Variants in CNTFR observed in about 807,000 individuals in gnomAD.
The protein encoded by CNTFR is ciliary neurotrophic factor receptor, also known as ciliary neurotrophic factor receptor subunit alpha.
In CNTFR, 12 loss-of-function variants were observed where a neutral mutation model predicts 40.4. The observed-to-expected ratio is 0.30, with a 90% CI of 0.19 to 0.48. CNTFR has a LOEUF of 0.48. Ranked by LOEUF, CNTFR falls within the 20% of genes least tolerant of loss-of-function variation. The probability of loss-of-function intolerance (pLI) is 0.99; values close to 1 mark genes in which losing one functional copy is unlikely to be tolerated. For missense variants in CNTFR, 414 were observed against 506.8 expected (o/e 0.82, Z 1.76); for synonymous variants, 202 against 209.6 (o/e 0.96, Z 0.31).
intron 2 of CNTFR, among the ~76,000 whole-genome samples, chr9:34,570,510 G>A (rs147528181): frequency 3.9e-5 from 6 of 152,224 alleles, no homozygotes; most frequent in Non-Finnish European, 7.3e-5. Flanking sequence ...CACAAGCAGA[G>A]AAATACCAGA....
intron 2 of CNTFR, among the ~76,000 whole-genome samples, chr9:34,580,772 G>T (rs986445417): frequency 6.6e-6 from 1 of 152,150 alleles, no homozygotes; most frequent in South Asian, 2.1e-4. Flanking sequence ...GAGATGTCTG[G>T]GGGGCAGAGA....
chr9:34,581,585 C>T (rs999594149), intron 1 of CNTFR, among the ~76,000 whole-genome samples: 34 of 152,230 alleles, frequency 2.2e-4, no homozygotes, highest in African/African-American at 7.2e-4. Flanking sequence ...TAACCACCAT[C>T]GTAACACCCC....
At chr9:34,576,252 T>C (rs1826955630) in intron 2 of CNTFR, among the ~76,000 whole-genome samples, 1 of 152,114 alleles carries the variant, frequency 6.6e-6, no homozygotes, top group African/African-American at 2.4e-5. Flanking sequence ...CACAGCCCCG[T>C]ACACGCTGGT....
In CNTFR at chr9:34,552,592, A is replaced by G. The variant is rs1825680943; in HGVS notation, c.949+82T>C. 1 of 1,418,536 alleles carries G rather than the reference A, an allele frequency of 7.0e-7. No homozygotes were observed. Among genetic ancestry groups the G allele is most frequent in the African/African-American group, 1.4e-5 (1 of 70,208 alleles). The allele number at this position is 1,418,536 out of a possible 1,614,324, so 87.9% of individuals were successfully genotyped here. A position where few individuals can be genotyped will look rare whatever the true frequency, so the allele number is the denominator to read the frequency against. ...ACCCCCGGGAGCAGAGGCTGGAGGC[A>G]GCAGGGTAGAACCAGGCCACAGGTT... is the stretch of plus-strand genomic sequence containing the variant. On this transcript the variant is annotated intron_variant, in intron 8 of 9. Coordinates refer to ENST00000378980, the MANE Select transcript of CNTFR (RefSeq NM_147164.3). This position sits in a 1 kb window ranked among gnomAD's most constrained non-coding sequence, Gnocchi z 5.1.
intron 2 of CNTFR, among the ~76,000 whole-genome samples, chr9:34,575,364 C>T (rs1028084569): frequency 9.2e-5 from 14 of 152,140 alleles, no homozygotes. Context: ...CATTAGACAG[C>T]TGGAAGAACT....
At chr9:34,585,794 GA>G (rs1827512997) in intron 1 of CNTFR, among the ~76,000 whole-genome samples, 1 of 152,204 alleles carries the variant, frequency 6.6e-6, no homozygotes, top group African/African-American at 2.4e-5. Context: ...GGGTCTGGAG[GA>G]GGGGTCAGTT....
chr9:34,582,086 C>A (rs755879485), intron 1 of CNTFR, among the ~76,000 whole-genome samples: 2 of 152,000 alleles, frequency 1.3e-5, no homozygotes, highest in Non-Finnish European at 2.9e-5. Context: ...CTAGCCTGGG[C>A]AACATAGTGA....
chr9:34,551,687 T>G lies in CNTFR; in HGVS notation c.*384A>C. On this transcript the variant is annotated 3_prime_UTR_variant, in exon 10 of 10. Transcript: ENST00000378980. ...CCAGCATCAGGAGCTTATAATCTGATGGTGGCAACAGAGACCCTGGGATAG... is the reference window on the plus strand; with the variant it reads ...CCAGCATCAGGAGCTTATAATCTGAGGGTGGCAACAGAGACCCTGGGATAG... The G allele has an allele frequency of 5.2e-6, 2 of 386,988 alleles. No individual in the cohort carries two copies. The highest frequency in any genetic ancestry group is 9.6e-6 in the Non-Finnish European group (2 of 207,724). 24.0% of individuals were successfully genotyped at this position (386,988 alleles called of 1,614,324 possible). A position where few individuals can be genotyped will look rare whatever the true frequency, so the allele number is the denominator to read the frequency against.
chr9:34,588,126 G>A (rs73497032), intron 1 of CNTFR, among the ~76,000 whole-genome samples: 2,009 of 152,232 alleles, frequency 0.013, 41 homozygotes, highest in African/African-American at 0.046. Flanking sequence ...TATCAGCCCT[G>A]ACAGTGTGAA....
rs1472603252 is a variant in CNTFR at position 34,557,953 on chromosome 9, G to A, written c.351C>T (p.Arg117=). The change falls in exon 5 of 10, where the codon CGC becomes CGT. Residue 117 remains arginine (R), a synonymous_variant. Coordinates refer to ENST00000378980, the MANE Select transcript of CNTFR (RefSeq NM_147164.3). This position sits in a 1 kb window ranked among gnomAD's most constrained non-coding sequence, Gnocchi z 4.2. ...LPPREPVLSC[R]SNTYPKGFYC... Reference sequence around the variant, plus strand: ...AGAAGCCCTTGGGGTAAGTGTTGGAGCGGCAGCTGAGCACAGGCTCCCGCG... The same window carrying A: ...AGAAGCCCTTGGGGTAAGTGTTGGAACGGCAGCTGAGCACAGGCTCCCGCG... The A allele has an allele frequency of 1.9e-6, 3 of 1,559,464 alleles. No homozygotes were observed. Among genetic ancestry groups the A allele is most frequent in the Non-Finnish European group, 2.6e-6 (3 of 1,153,622 alleles).
At chr9:34,562,496 C>T (rs1430130176) in intron 4 of CNTFR, among the ~76,000 whole-genome samples, 2 of 152,180 alleles carry the variant, frequency 1.3e-5, no homozygotes, top group African/African-American at 4.8e-5. Context: ...CCTCTTTAAG[C>T]CCTACTGGTG....
intron 1 of CNTFR, among the ~76,000 whole-genome samples, chr9:34,585,207 G>C (rs146080397): frequency 6.6e-6 from 1 of 152,274 alleles, no homozygotes; most frequent in African/African-American, 2.4e-5. Flanking sequence ...GCAGGTACAG[G>C]GTGAGCAAGG....
At chr9:34,577,387 G>C (rs991331141) in intron 2 of CNTFR, among the ~76,000 whole-genome samples, 4 of 152,208 alleles carry the variant, frequency 2.6e-5, no homozygotes, top group African/African-American at 9.7e-5. Context: ...TTCGGGGAAG[G>C]GGGCAGTGGG....
intron 2 of CNTFR, among the ~76,000 whole-genome samples, chr9:34,573,198 T>C (rs1826766916): frequency 6.6e-6 from 1 of 152,154 alleles, no homozygotes; most frequent in Non-Finnish European, 1.5e-5. Context: ...GGGCAGAACC[T>C]GGGGGAAGGA....
intron 2 of CNTFR, among the ~76,000 whole-genome samples, chr9:34,576,119 G>A (rs1826949839): frequency 2.0e-5 from 3 of 151,872 alleles, no homozygotes; most frequent in South Asian, 4.2e-4. Flanking sequence ...CAAAGCCCCC[G>A]CCTCCTCAGA....
In CNTFR at chr9:34,589,193, G is replaced by T. The variant is rs1182531707; in HGVS notation, c.-112+362C>A. Among the ~76,000 whole-genome samples the T allele has an allele frequency of 1.3e-5, 2 of 152,028 alleles. No individual in the cohort carries two copies. The highest frequency in any genetic ancestry group is 6.5e-5 in the Admixed American group (1 of 15,268). Reference sequence around the variant, plus strand: ...CGAGAAAGAAGCCACCTTTGGGCGCGCAAAGGCCACTACGAACCTCCCCAA... The same window carrying T: ...CGAGAAAGAAGCCACCTTTGGGCGCTCAAAGGCCACTACGAACCTCCCCAA... On this transcript the variant is annotated intron_variant, in intron 1 of 9. Transcript: ENST00000378980. This position sits in a 1 kb window ranked among gnomAD's most constrained non-coding sequence, Gnocchi z 4.4.
At chr9:34,559,027 G>A (rs530340549) in intron 4 of CNTFR, among the ~76,000 whole-genome samples, 1 of 152,312 alleles carries the variant, frequency 6.6e-6, no homozygotes, top group African/African-American at 2.4e-5. Context: ...TATGTGATCT[G>A]ACCCGAGCAA....
chr9:34,567,484 C>T (rs374266392), intron 3 of CNTFR, among the ~76,000 whole-genome samples: 18 of 152,138 alleles, frequency 1.2e-4, no homozygotes, highest in African/African-American at 4.3e-4. Context: ...CACAGTCACA[C>T]ACAAGTTCAC....
chr9:34,578,238 G>A (rs972895840), intron 2 of CNTFR, among the ~76,000 whole-genome samples: 4 of 152,226 alleles, frequency 2.6e-5, no homozygotes, highest in Admixed American at 2.0e-4. Context: ...AAGCGGGCCG[G>A]GAGGAGGGGA....
Sources: allele counts gnomAD v4.1 joint callset (sites outside exome capture counted in the v4.1 genomes callset), GRCh38; gene constraint gnomAD v4.1.1; non-coding constraint Gnocchi (gnomAD v3.1); transcripts MANE v1.5; gene names NCBI Gene and HGNC (gene_info 2026-07-23, HGNC 2026-07-21).